The following KLF12 variants were observed in gnomAD, a reference collection of about 807,000 sequenced individuals.
The protein encoded by KLF12 is Krueppel-like factor 12.
Under a neutral mutation model 37.8 loss-of-function variants are expected in KLF12, and 9 were observed. The ratio of observed to expected loss-of-function variants is 0.24; its 90% CI spans 0.14 to 0.42. The LOEUF (loss-of-function observed/expected upper bound fraction) is 0.42, where lower values mean the gene tolerates loss of function less well. Among genes scored for constraint, KLF12 ranks in the 10% least tolerant of loss-of-function variants. The pLI is 1.00. For missense variants in KLF12, 411 were observed against 516.0 expected (o/e 0.80, Z 1.97); for synonymous variants, 208 against 202.1 (o/e 1.03, Z -0.25).
At chr13:73,735,884 G>A (rs998570775) in intron 6 of KLF12, among the ~76,000 whole-genome samples, 1 of 151,930 alleles carries the variant, frequency 6.6e-6, no homozygotes. Context: ...AGGCCAACTG[G>A]GTCAAGATTT....
At chr13:74,057,967 AT>A (rs11418994) in intron 1 of KLF12, among the ~76,000 whole-genome samples, 2,588 of 141,612 alleles carry the variant, frequency 0.018, 43 homozygotes, top group African/African-American at 0.048. Flanking sequence ...TAGCTATGTA[AT>A]TTTTTTTTTT....
chr13:73,975,820 T>A (rs1308262258), intron 2 of KLF12, among the ~76,000 whole-genome samples: 2 of 152,184 alleles, frequency 1.3e-5, no homozygotes, highest in Admixed American at 1.3e-4. Context: ...CCTCTAATCA[T>A]CTGTAGGTCT....
the KLF12 span, among the ~76,000 whole-genome samples, chr13:74,290,646 G>A: frequency 6.6e-6 from 1 of 152,166 alleles, no homozygotes; most frequent in Non-Finnish European, 1.5e-5. Flanking sequence ...TGAATCTCAC[G>A]TATTATTGGT....
the KLF12 span, among the ~76,000 whole-genome samples, chr13:74,288,521 G>C: frequency 6.6e-6 from 1 of 152,172 alleles, no homozygotes; most frequent in Admixed American, 6.5e-5. Flanking sequence ...GGGTGCTCCA[G>C]GTCAAATCAG....
intron 1 of KLF12, among the ~76,000 whole-genome samples, chr13:73,997,993 C>T (rs1243908296): frequency 6.6e-6 from 1 of 152,154 alleles, no homozygotes; most frequent in African/African-American, 2.4e-5. Flanking sequence ...ACCTGTTTCT[C>T]TTTAGTAGCT....
At chr13:74,274,824 G>A in the KLF12 span, among the ~76,000 whole-genome samples, 1 of 151,764 alleles carries the variant, frequency 6.6e-6, no homozygotes, top group Non-Finnish European at 1.5e-5. Context: ...GTTTTTCATA[G>A]GAAATAAATT....
the KLF12 span, among the ~76,000 whole-genome samples, chr13:74,146,153 A>C: frequency 6.6e-6 from 1 of 152,196 alleles, no homozygotes; most frequent in Non-Finnish European, 1.5e-5. Context: ...TTAAAAGGCA[A>C]AAGGTTTAAA....
intron 1 of KLF12, among the ~76,000 whole-genome samples, chr13:74,078,594 T>C (rs1227269941): frequency 2.0e-5 from 3 of 152,250 alleles, no homozygotes; most frequent in Non-Finnish European, 2.9e-5. Context: ...TAGAAATATA[T>C]GTATACACCC....
At chr13:74,223,356 T>C in the KLF12 span, among the ~76,000 whole-genome samples, 1 of 152,246 alleles carries the variant, frequency 6.6e-6, no homozygotes, top group Admixed American at 6.5e-5. Context: ...TGTGAAAATC[T>C]ACTGAGAACC....
At chr13:74,064,949 T>C (rs1873819749) in intron 1 of KLF12, among the ~76,000 whole-genome samples, 1 of 152,176 alleles carries the variant, frequency 6.6e-6, no homozygotes, top group Admixed American at 6.5e-5. Flanking sequence ...ATGTATACGT[T>C]ATTCTACTGT....
chr13:73,755,703 T>C (rs1879112271), intron 6 of KLF12, among the ~76,000 whole-genome samples: 2 of 152,004 alleles, frequency 1.3e-5, no homozygotes. Flanking sequence ...ATTTCTGAGA[T>C]TTTGGTGCAC....
At chr13:74,218,580 C>T in the KLF12 span, among the ~76,000 whole-genome samples, 3 of 152,152 alleles carry the variant, frequency 2.0e-5, no homozygotes, top group Admixed American at 6.5e-5. Flanking sequence ...CTCTTGCCAT[C>T]GAACTCAGGT....
At chr13:73,727,983 C>T (rs946033558) in intron 6 of KLF12, among the ~76,000 whole-genome samples, 5 of 152,158 alleles carry the variant, frequency 3.3e-5, no homozygotes, top group Admixed American at 6.5e-5. Flanking sequence ...AGGCGTGTGC[C>T]GCCGTGGCCA....
At chr13:73,778,063 G>T (rs778592857) in intron 5 of KLF12, among the ~76,000 whole-genome samples, 1 of 151,858 alleles carries the variant, frequency 6.6e-6, no homozygotes, top group African/African-American at 2.4e-5. Flanking sequence ...GAACTCGGGA[G>T]GCAGAGGTTT....
intron 3 of KLF12, among the ~76,000 whole-genome samples, chr13:73,934,568 T>C (rs1045360482): frequency 6.6e-6 from 1 of 152,222 alleles, no homozygotes; most frequent in African/African-American, 2.4e-5. Flanking sequence ...TCTTCTTTCC[T>C]GACTGATTTC....
chr13:74,125,158 T>A (rs199842568), intron 1 of KLF12, among the ~76,000 whole-genome samples: 3,034 of 143,332 alleles, frequency 0.021, 99 homozygotes, highest in African/African-American at 0.065. Context: ...AAAAAAAATA[T>A]ATATATATAC....
In KLF12 at chr13:74,058,252, C is replaced by T. The variant is rs367776878; in HGVS notation, c.-31-63199G>A. On this transcript the variant is annotated intron_variant, in intron 1 of 7. Transcript: ENST00000377669. ...AAAGTGCTGGGATTACAGGCATGAGCCACTGTGCCCGGCCAGCTATATAAT... is the reference window on the plus strand; with the variant it reads ...AAAGTGCTGGGATTACAGGCATGAGTCACTGTGCCCGGCCAGCTATATAAT... Among the ~76,000 whole-genome samples the T allele has an allele frequency of 2.8e-4, 42 of 150,616 alleles. No homozygotes were observed. In the East Asian group the frequency reaches 3.8e-3, roughly 14 times the overall value.
At chr13:73,957,317 T>C (rs1347090662) in intron 2 of KLF12, among the ~76,000 whole-genome samples, 1 of 152,188 alleles carries the variant, frequency 6.6e-6, no homozygotes, top group African/African-American at 2.4e-5. Flanking sequence ...TTCTATCCTT[T>C]CTGCATATCC....
At chr13:73,719,284 C>T (rs1463076162) in intron 6 of KLF12, among the ~76,000 whole-genome samples, 4 of 151,950 alleles carry the variant, frequency 2.6e-5, no homozygotes, top group Non-Finnish European at 5.9e-5. Flanking sequence ...CATATATCCA[C>T]AGTCGGCGGG....
Sources: allele counts gnomAD v4.1 joint callset (sites outside exome capture counted in the v4.1 genomes callset), GRCh38; gene constraint gnomAD v4.1.1; transcripts MANE v1.5; gene names NCBI Gene and HGNC (gene_info 2026-07-23, HGNC 2026-07-21).